The following CLECL1 variants were observed in gnomAD, a reference collection of about 807,000 sequenced individuals.
CLECL1 encodes C-type lectin like 1, also known as C-type lectin-like domain family 1.
chr12:9,716,753 CAT>C (rs2121038126), exon 3 of CLECL1: 1 of 1,275,844 alleles, frequency 7.8e-7, no homozygotes, highest in East Asian at 5.6e-5. Context: ...CTTCTATATG[CAT>C]ATGTCAAAAA....
chr12:9,721,486 C>T (rs751328914), downstream of CLECL1, among the ~76,000 whole-genome samples: 1 of 152,296 alleles, frequency 6.6e-6, no homozygotes, highest in South Asian at 2.1e-4. Flanking sequence ...AAAGCTTAAA[C>T]TGGAGGAAGT....
At chr12:9,710,355 A>AGC in the CLECL1 span, among the ~76,000 whole-genome samples, 3 of 152,068 alleles carry the variant, frequency 2.0e-5, no homozygotes, top group African/African-American at 2.4e-5. Flanking sequence ...TTTACCCCAA[A>AGC]AGAATGCCCC....
intron 2 of CLECL1, among the ~76,000 whole-genome samples, chr12:9,727,801 T>A (rs7973535): frequency 0.53 from 80,401 of 151,550 alleles, 21,602 homozygotes; most frequent in African/African-American, 0.6. Flanking sequence ...TGATTAAAAA[T>A]TTAAGAGAAA....
At chr12:9,724,772 T>C (rs1866359123) in intron 3 of CLECL1, among the ~76,000 whole-genome samples, 1 of 152,084 alleles carries the variant, frequency 6.6e-6, no homozygotes, top group South Asian at 2.1e-4. Flanking sequence ...GCAAAACAAG[T>C]TGAAGATACA....
chr12:9,708,942 G>A, the CLECL1 span: 2 of 243,476 alleles, frequency 8.2e-6, no homozygotes, highest in South Asian at 6.6e-5. Context: ...CCATTGGGAC[G>A]GCTTTGACCC....
rs142722570 is a variant in CLECL1, at chr12:9,729,647, C to G, written n.112G>C. 2.0e-3 allele frequency among the ~76,000 whole-genome samples: 297 copies of G among 152,176 alleles called. 1 individual carries two copies. The highest frequency in any genetic ancestry group is 3.5e-3 in the Non-Finnish European group (236 of 67,970). ...AAGGATAATATTATTGCACATCCAA[C>G]GTTAAGAACAATTCCATGGTGGTGA... On this transcript the variant is annotated non_coding_transcript_exon_variant, in exon 2 of 4. Coordinates refer to ENST00000621400, the Ensembl canonical transcript of CLECL1.
downstream of CLECL1, among the ~76,000 whole-genome samples, chr12:9,721,955 T>G (rs1333360238): frequency 6.6e-6 from 1 of 152,186 alleles, no homozygotes; most frequent in Non-Finnish European, 1.5e-5. Flanking sequence ...CCCTCAGATG[T>G]CTCAACAGCT....
At chr12:9,713,952 T>C (rs1270985591), downstream of CLECL1, among the ~76,000 whole-genome samples, 2 of 152,220 alleles carry the variant, frequency 1.3e-5, no homozygotes, top group Non-Finnish European at 2.9e-5. Context: ...CTTTAACTAC[T>C]TGCCTTTGAT....
At chr12:9,733,042 A>G (rs772775518), upstream of CLECL1, 4 of 1,614,196 alleles carry the variant, frequency 2.5e-6, no homozygotes, top group African/African-American at 4.0e-5. Context: ...GCACAGATCA[A>G]AAAGAGAGAG....
intron 3 of CLECL1, among the ~76,000 whole-genome samples, chr12:9,725,827 G>A (rs1866372714): frequency 1.3e-5 from 2 of 152,048 alleles, no homozygotes; most frequent in South Asian, 4.1e-4. Context: ...GAAGCAGAAT[G>A]GGGAGCAGCA....
downstream of CLECL1, among the ~76,000 whole-genome samples, chr12:9,711,172 T>G (rs1866197366): frequency 6.6e-6 from 1 of 152,072 alleles, no homozygotes; most frequent in Non-Finnish European, 1.5e-5. Flanking sequence ...TAAGCTCCCC[T>G]AGAGGTTTGA....
the CLECL1 span, among the ~76,000 whole-genome samples, chr12:9,703,032 A>G: frequency 6.6e-6 from 1 of 152,386 alleles, no homozygotes; most frequent in East Asian, 1.9e-4. Context: ...TACTTATAAT[A>G]AACAGAAATC....
chr12:9,718,761 A>C, downstream of CLECL1: 1 of 700,582 alleles, frequency 1.4e-6, no homozygotes, highest in East Asian at 2.7e-5. Context: ...AAGGTACAGC[A>C]AAAAGGTGAT....
chr12:9,733,153 G>A (rs1056207902), upstream of CLECL1: 1 of 1,613,898 alleles, frequency 6.2e-7, no homozygotes, highest in Admixed American at 1.7e-5. Flanking sequence ...CTCCCCAAGT[G>A]GGTGGTGGAC....
rs750820736 is a variant in CLECL1, at chr12:9,723,622, T to A, written n.263-809A>T. 3.3e-5 allele frequency among the ~76,000 whole-genome samples: 5 copies of A among 152,132 alleles called. No homozygotes were observed. In the South Asian group the frequency reaches 1.0e-3, roughly 32 times the overall value. On this transcript the variant is annotated intron_variant and non_coding_transcript_variant, in intron 3 of 3. Coordinates refer to ENST00000621400, the Ensembl canonical transcript of CLECL1. ...AGTCCCATGTAGAGTGAGTAAAACA[T>A]CATTAAAAAACCTGCAGCCTTTCTC...
upstream of CLECL1, among the ~76,000 whole-genome samples, chr12:9,733,721 A>T (rs1866482895): frequency 6.6e-6 from 1 of 151,986 alleles, no homozygotes; most frequent in African/African-American, 2.4e-5. Context: ...TAAAAGAAAA[A>T]AATCTAATTT....
chr12:9,704,166 A>T, the CLECL1 span: 5 of 152,208 alleles, frequency 3.3e-5, no homozygotes, highest in Admixed American at 3.3e-4. Flanking sequence ...TGGTAAGTTC[A>T]TAGTACTTTA....
upstream of CLECL1, chr12:9,733,111 A>ATAAGT (rs71045297): frequency 0.51 from 820,652 of 1,612,220 alleles, 212,640 homozygotes; most frequent in African/African-American, 0.72. Flanking sequence ...GAAACTTCTG[A>ATAAGT]TAAGTAAATT....
At chr12:9,725,344 A>G (rs954251634) in intron 3 of CLECL1, among the ~76,000 whole-genome samples, 1 of 152,122 alleles carries the variant, frequency 6.6e-6, no homozygotes, top group Admixed American at 6.6e-5. Flanking sequence ...CCTAGCTTAT[A>G]AAGTTCTTTC....
Sources: gnomAD v4.1 joint callset for allele counts (sites outside exome capture counted in the v4.1 genomes callset) on GRCh38, gnomAD v4.1.1 for gene constraint, MANE v1.5 for transcripts, NCBI Gene and HGNC (gene_info 2026-07-23, HGNC 2026-07-21) for gene names.